Variants in NUP210 observed in about 807,000 individuals in gnomAD.
NUP210 encodes the protein nucleoporin 210.
A neutral mutation model predicts 196.0 loss-of-function variants in NUP210; 151 were observed. That is an observed-to-expected ratio of 0.77 (90% confidence interval 0.67 to 0.88). The LOEUF (loss-of-function observed/expected upper bound fraction) is 0.88, where lower values mean the gene tolerates loss of function less well. Ranked by LOEUF, NUP210 falls within the 40% of genes least tolerant of loss-of-function variation. The pLI is 0.00. For missense variants in NUP210, 2,314 were observed against 2,493.7 expected, an observed-to-expected ratio of 0.93 and a Z score of 1.53; for synonymous variants, 1,070 against 1,052.7, an observed-to-expected ratio of 1.02 and a Z score of -0.32.
At chr3:13,353,793 G>T (rs947382828) in intron 17 of NUP210, 122 bp downstream of exon 17, 124 of 1,228,454 alleles carry the variant, frequency 1.0e-4, no homozygotes, top group Non-Finnish European at 9.9e-5. Flanking sequence ...TATGTGGATT[G>T]TAAGAGTTAA....
intron 34 of NUP210, among the ~76,000 whole-genome samples, chr3:13,322,682 T>A (rs1456408770): frequency 5.9e-5 from 9 of 152,232 alleles, no homozygotes; most frequent in Non-Finnish European, 1.2e-4. Flanking sequence ...CTTCTGCACA[T>A]TCAGAGGGCA....
chr3:13,376,757 A>C (rs1290110216), intron 9 of NUP210, among the ~76,000 whole-genome samples: 2 of 152,136 alleles, frequency 1.3e-5, no homozygotes, highest in Non-Finnish European at 2.9e-5. Flanking sequence ...AAAAAAGGAC[A>C]TCACGTCCCC....
intron 18 of NUP210, among the ~76,000 whole-genome samples, chr3:13,353,132 C>A (rs890809139): frequency 1.3e-5 from 2 of 151,994 alleles, no homozygotes; most frequent in Admixed American, 1.3e-4. Context: ...CCAGTGCTGC[C>A]CCCACGGGAC....
In NUP210 at chr3:13,364,392, G is replaced by A. The variant is rs570886841; in HGVS notation, c.1932+1554C>T. Reference sequence around the variant, plus strand: ...GAGAAGTGTCTGTTATGTTTGCTCTGGAGGTCAGGAGGCCTTGGCTTCTGC... The same window carrying A: ...GAGAAGTGTCTGTTATGTTTGCTCTAGAGGTCAGGAGGCCTTGGCTTCTGC... On this transcript the variant is annotated intron_variant, in intron 14 of 39. Coordinates refer to ENST00000254508, the MANE Select transcript of NUP210 (RefSeq NM_024923.4). 3.3e-5 allele frequency among the ~76,000 whole-genome samples: 5 copies of A among 152,304 alleles called. No homozygotes were observed. The East Asian group carries it at 9.7e-4, about 29-fold the overall frequency.
chr3:13,340,482 G>A lies in NUP210; in HGVS notation c.3229-184C>T, dbSNP rs1440026064. On this transcript the variant is annotated intron_variant, in intron 23 of 39. Transcript: ENST00000254508. This position sits in a 1 kb window ranked among gnomAD's most constrained non-coding sequence, Gnocchi z 4.0. ...GGGGGCTGTCTCCCAGCCACTGGCC[G>A]AGGCTCCCTGGTTCTCTGGGGTGTG... Among the ~76,000 whole-genome samples, 2 of 152,150 alleles carry A rather than the reference G, an allele frequency of 1.3e-5. No homozygotes were observed. The highest frequency in any genetic ancestry group is 1.5e-5 in the Non-Finnish European group (1 of 68,022).
At chr3:13,373,964 G>A (rs139401669) in intron 11 of NUP210, 91 bp from the exon 12 acceptor site, 21 of 1,411,104 alleles carry the variant, frequency 1.5e-5, no homozygotes, top group Admixed American at 7.8e-5. Flanking sequence ...GTGCATGCAC[G>A]TACTCACACT....
intron 14 of NUP210, among the ~76,000 whole-genome samples, chr3:13,360,971 GC>G (rs1457788201): frequency 2.6e-5 from 4 of 152,146 alleles, no homozygotes; most frequent in Non-Finnish European, 5.9e-5. Context: ...CCTTATGCGG[GC>G]CCCCAAAGCA....
intron 14 of NUP210, among the ~76,000 whole-genome samples, chr3:13,363,376 C>T (rs1400288533): frequency 6.6e-6 from 1 of 152,242 alleles, no homozygotes; most frequent in Non-Finnish European, 1.5e-5. Flanking sequence ...CACTGTGTAT[C>T]TTGCCAAAGA....
intron 6 of NUP210, among the ~76,000 whole-genome samples, chr3:13,382,986 A>C (rs1699152395): frequency 2.0e-5 from 3 of 152,130 alleles, no homozygotes; most frequent in Admixed American, 1.3e-4. Context: ...TCTCTATTAA[A>C]AAAAAAAAAT....
In NUP210 at chr3:13,366,014, CAAG is replaced by C; in HGVS notation, c.1861_1863del (p.Leu621del). 1 of 1,614,248 alleles carries C rather than the reference CAAG, an allele frequency of 6.2e-7. No homozygotes were observed. Among genetic ancestry groups the C allele is most frequent in the South Asian group, 1.1e-5 (1 of 91,088 alleles). On this transcript the variant is annotated inframe_deletion, in exon 14 of 40. Coordinates refer to ENST00000254508, the MANE Select transcript of NUP210 (RefSeq NM_024923.4). ...TGGACGTGGCCGTGTCTGTAGCTCA[CAAG>C]AAGCGTGGTAGAGCCCTGGGCCTCG...
rs753026246 is a variant in NUP210, at chr3:13,336,887, T to A, written c.3584A>T (p.His1195Leu). The A allele has an allele frequency of 1.2e-6, 2 of 1,613,386 alleles. No homozygotes were observed. ...ATTGCCAAAGGAGAAAGGGTTCTGG[T>A]GGTTGGTGATGCCGGTGACATAGAT... ...MPIYVTGITN[H>L]QNPFSFGNAV... Residue 1195 changes from histidine (H) to leucine (L), a missense_variant, in exon 27 of 40, where the codon CAC becomes CTC. By Grantham distance (99) the His-to-Leu change is moderately conservative. Coordinates refer to ENST00000254508, the MANE Select transcript of NUP210 (RefSeq NM_024923.4).
chr3:13,341,717 T>A, intron 23 of NUP210, 31 bp downstream of exon 23: 1 of 1,613,328 alleles, frequency 6.2e-7, no homozygotes, highest in Non-Finnish European at 8.5e-7. Flanking sequence ...ACTGGGCTGA[T>A]CCCACATGGT....
intron 1 of NUP210, among the ~76,000 whole-genome samples, chr3:13,414,570 A>T (rs1700284314): frequency 6.6e-6 from 1 of 152,124 alleles, no homozygotes; most frequent in African/African-American, 2.4e-5. Context: ...AAGGTCCCAC[A>T]TGGCCCCGCC....
chr3:13,353,097 A>G (rs1576374469), intron 18 of NUP210, among the ~76,000 whole-genome samples: 1 of 151,390 alleles, frequency 6.6e-6, no homozygotes, highest in Non-Finnish European at 1.5e-5. Flanking sequence ...CCCTTCAGTG[A>G]CCCCCTCCCT....
intron 30 of NUP210, 77 bp from the exon 31 acceptor site, chr3:13,329,023 G>T (rs1237691945): frequency 1.5e-6 from 2 of 1,308,484 alleles, no homozygotes; most frequent in South Asian, 1.3e-5. Context: ...TCCCAAGGAG[G>T]GGACACCTGC....
intron 35 of NUP210, 111 bp from the exon 36 acceptor site, chr3:13,321,946 G>C (rs1696548362): frequency 1.4e-6 from 2 of 1,449,738 alleles, no homozygotes; most frequent in African/African-American, 2.8e-5. Context: ...CCAAAGCCCA[G>C]GTGAGAAGTC....
chr3:13,417,544 T>C (rs1041264722), intron 1 of NUP210, among the ~76,000 whole-genome samples: 2 of 152,236 alleles, frequency 1.3e-5, no homozygotes, highest in African/African-American at 4.8e-5. Flanking sequence ...TGTGGATATA[T>C]GTCTATAGGC....
rs748161453 is a variant in NUP210, at chr3:13,330,488, G to A, written c.4082C>T (p.Ala1361Val). 3 of 1,614,114 alleles carry A rather than the reference G, an allele frequency of 1.9e-6. No homozygotes were observed. Among genetic ancestry groups the A allele is most frequent in the Non-Finnish European group, 2.5e-6 (3 of 1,180,006 alleles). The change falls in exon 30 of 40, where the codon GCC (alanine) becomes GTC (valine). Residue 1361 changes from alanine (A) to valine (V), a missense_variant. Ala to Val is a moderately conservative substitution (Grantham distance 64). Transcript: ENST00000254508. ...TACAGCAACAATGATGGTTTGGTTG[G>A]CCCCAAAGGGCTCTTGTGCAATCAC... The part of the protein sequence containing the change: ...IEVIAQEPFG[A>V]NQTIIVAVKV...
In NUP210 at chr3:13,317,632, G is replaced by T; in HGVS notation, c.*49C>A. The T allele has an allele frequency of 7.6e-7, 1 of 1,321,430 alleles. No individual in the cohort carries two copies. 81.9% of individuals were successfully genotyped at this position (1,321,430 alleles called of 1,614,324 possible). ...TGCAGCAGGGATGTTCCATCTTGGG[G>T]GTGCACGAGGCTCGGCTGAGACCCA... On this transcript the variant is annotated 3_prime_UTR_variant, in exon 40 of 40. Transcript: ENST00000254508.
Sources: allele counts gnomAD v4.1 joint callset (sites outside exome capture counted in the v4.1 genomes callset), GRCh38; gene constraint gnomAD v4.1.1; non-coding constraint Gnocchi (gnomAD v3.1); transcripts MANE v1.5; gene names NCBI Gene and HGNC (gene_info 2026-07-23, HGNC 2026-07-21).